The following PCDH9 variants were observed in gnomAD, a reference collection of about 807,000 sequenced individuals.
The protein encoded by PCDH9 is protocadherin-9.
A neutral mutation model predicts 70.6 loss-of-function variants in PCDH9; 24 were observed. The observed-to-expected ratio is 0.34, with a 90% CI of 0.25 to 0.48. PCDH9 has a LOEUF of 0.48. Among genes scored for constraint, PCDH9 ranks in the 20% least tolerant of loss-of-function variants. The probability of loss-of-function intolerance (pLI) is 0.99; values close to 1 mark genes in which losing one functional copy is unlikely to be tolerated. For synonymous variants in PCDH9, 562 were observed against 558.5 expected (o/e 1.01, Z -0.09); for missense variants, 1,281 against 1,503.6 (o/e 0.85, Z 2.45).
chr13:67,020,610 T>C (rs750666697), intron 2 of PCDH9, among the ~76,000 whole-genome samples: 5 of 152,208 alleles, frequency 3.3e-5, no homozygotes, highest in Non-Finnish European at 7.4e-5. Flanking sequence ...GTCAAAACAG[T>C]AAAACATATA....
At chr13:66,490,200 G>A (rs1959010932) in intron 4 of PCDH9, among the ~76,000 whole-genome samples, 1 of 152,150 alleles carries the variant, frequency 6.6e-6, no homozygotes, top group Non-Finnish European at 1.5e-5. Context: ...ATGATCTAGG[G>A]TCATAATTAG....
At chr13:66,928,821 A>T (rs1332319261) in intron 2 of PCDH9, among the ~76,000 whole-genome samples, 3 of 152,038 alleles carry the variant, frequency 2.0e-5, no homozygotes, top group Admixed American at 1.3e-4. Flanking sequence ...GTACTTTGTT[A>T]TAGCAGTCTG....
At chr13:66,668,631 G>A (rs530196955) in intron 3 of PCDH9, among the ~76,000 whole-genome samples, 7 of 152,266 alleles carry the variant, frequency 4.6e-5, no homozygotes, top group African/African-American at 1.7e-4. Flanking sequence ...GTGAAATATA[G>A]ATGGTAATAT....
intron 2 of PCDH9, among the ~76,000 whole-genome samples, chr13:67,048,821 T>C (rs982729198): frequency 1.3e-5 from 2 of 152,186 alleles, no homozygotes; most frequent in Non-Finnish European, 2.9e-5. Context: ...TAGGTGTTCA[T>C]ATCATGTCTC....
chr13:66,350,254 T>C lies in PCDH9; in HGVS notation c.3341-45226A>G, dbSNP rs539659484. 2.2e-4 allele frequency among the ~76,000 whole-genome samples: 33 copies of C among 152,350 alleles called. No homozygotes were observed. The South Asian group carries it at 6.8e-3, about 32-fold the overall frequency. ...AAACCTCTTCTTTCTGACTCCCCAG[T>C]GCTTAGTAAAAGCAACATAATTTTT... On this transcript the variant is annotated intron_variant, in intron 4 of 4. Transcript: ENST00000377865.
chr13:66,566,424 T>A lies in PCDH9; in HGVS notation c.3340+64786A>T, dbSNP rs7986003. Among the ~76,000 whole-genome samples, 6 of 151,830 alleles carry A rather than the reference T, an allele frequency of 4.0e-5. 1 individual carries two copies. The highest frequency in any genetic ancestry group is 1.9e-4 in the East Asian group (1 of 5,158). On this transcript the variant is annotated intron_variant, in intron 4 of 4. Coordinates refer to ENST00000377865, the MANE Select transcript of PCDH9 (RefSeq NM_203487.3). ...TTTACCTCCATAGAAGAAGCAAGTC[T>A]CCCTTAGATATTTTTGTTTTCTATA...
chr13:66,483,062 T>C (rs571863910), intron 4 of PCDH9, among the ~76,000 whole-genome samples: 68 of 152,308 alleles, frequency 4.5e-4, no homozygotes, highest in African/African-American at 1.6e-3. Context: ...ACGTATACCA[T>C]ATGATTGATG....
At chr13:66,869,350 T>C (rs2081630946) in intron 3 of PCDH9, among the ~76,000 whole-genome samples, 1 of 152,186 alleles carries the variant, frequency 6.6e-6, no homozygotes, top group Non-Finnish European at 1.5e-5. Flanking sequence ...GTAGGCTAAA[T>C]ACTACTTGTA....
At chr13:66,380,715 T>C (rs1405846792) in intron 4 of PCDH9, among the ~76,000 whole-genome samples, 1 of 152,016 alleles carries the variant, frequency 6.6e-6, no homozygotes, top group African/African-American at 2.4e-5. Flanking sequence ...GGCTAATTTT[T>C]TGTATTTTTA....
In PCDH9 at chr13:66,735,841, G is replaced by A. The variant is rs1028667016; in HGVS notation, c.3139-104430C>T. 4.6e-5 allele frequency among the ~76,000 whole-genome samples: 7 copies of A among 152,026 alleles called. No homozygotes were observed. In the East Asian group the frequency reaches 1.4e-3, roughly 29 times the overall value. ...TAGCTGGGTGTGGTGGTGCACGCCTGTAATCCCATCTACTCAGGAGGCTGA... is the reference window on the plus strand; with the variant it reads ...TAGCTGGGTGTGGTGGTGCACGCCTATAATCCCATCTACTCAGGAGGCTGA... On this transcript the variant is annotated intron_variant, in intron 3 of 4. Coordinates refer to ENST00000377865, the MANE Select transcript of PCDH9 (RefSeq NM_203487.3).
At chr13:66,769,009 A>T (rs2079761775) in intron 3 of PCDH9, among the ~76,000 whole-genome samples, 1 of 152,136 alleles carries the variant, frequency 6.6e-6, no homozygotes, top group African/African-American at 2.4e-5. Context: ...TAAACTTAAA[A>T]TATACAAGGT....
At chr13:67,149,346 A>G (rs986711173) in intron 2 of PCDH9, among the ~76,000 whole-genome samples, 1 of 152,124 alleles carries the variant, frequency 6.6e-6, no homozygotes, top group Admixed American at 6.6e-5. Context: ...GACAATTTCA[A>G]TATTTCTAAG....
At chr13:66,571,125 T>G (rs1359216619) in intron 4 of PCDH9, among the ~76,000 whole-genome samples, 2 of 152,070 alleles carry the variant, frequency 1.3e-5, no homozygotes, top group Non-Finnish European at 2.9e-5. Context: ...CAAAATATAT[T>G]AGATGAGGCC....
At chr13:67,113,096 C>A (rs886153831) in intron 2 of PCDH9, among the ~76,000 whole-genome samples, 1 of 152,096 alleles carries the variant, frequency 6.6e-6, no homozygotes, top group East Asian at 1.9e-4. Context: ...ATATCACTGA[C>A]CTTGGTGGAA....
intron 3 of PCDH9, among the ~76,000 whole-genome samples, chr13:66,637,463 A>C (rs533413334): frequency 3.3e-5 from 5 of 152,308 alleles, no homozygotes; most frequent in African/African-American, 1.2e-4. Flanking sequence ...TAATAAATAA[A>C]ATACTTTATG....
At chr13:66,636,956 T>A (rs938203628) in intron 3 of PCDH9, among the ~76,000 whole-genome samples, 2 of 152,174 alleles carry the variant, frequency 1.3e-5, no homozygotes, top group Non-Finnish European at 2.9e-5. Flanking sequence ...AGGAAATCAT[T>A]CCAAAGAGGG....
intron 4 of PCDH9, among the ~76,000 whole-genome samples, chr13:66,545,160 C>A (rs1214236532): frequency 1.3e-5 from 2 of 152,046 alleles, no homozygotes; most frequent in Non-Finnish European, 2.9e-5. Flanking sequence ...ATTTGATTTG[C>A]ATGTTAATTC....
intron 2 of PCDH9, among the ~76,000 whole-genome samples, chr13:67,193,318 C>T (rs1206340711): frequency 2.8e-5 from 4 of 144,462 alleles, no homozygotes; most frequent in African/African-American, 1.0e-4. Flanking sequence ...GTGCTTTGTG[C>T]TACTGGAGAT....
At chr13:66,682,291 T>TA (rs2078334411) in intron 3 of PCDH9, among the ~76,000 whole-genome samples, 1 of 152,028 alleles carries the variant, frequency 6.6e-6, no homozygotes, top group South Asian at 2.1e-4. Flanking sequence ...TTGTGTCACT[T>TA]CAGGCAATAT....
Sources: allele counts gnomAD v4.1 joint callset (sites outside exome capture counted in the v4.1 genomes callset), GRCh38; gene constraint gnomAD v4.1.1; transcripts MANE v1.5; gene names NCBI Gene and HGNC (gene_info 2026-07-23, HGNC 2026-07-21).